Variants in MCPH1 observed in about 807,000 individuals in gnomAD.
MCPH1 encodes the protein microcephalin.
Under a neutral mutation model 84.5 loss-of-function variants are expected in MCPH1, and 104 were observed. The observed-to-expected ratio is 1.23, with a 90% CI of 1.05 to 1.45. The LOEUF (loss-of-function observed/expected upper bound fraction) is 1.45, where lower values mean the gene tolerates loss of function less well. Ranked by LOEUF, MCPH1 falls within the 40% of genes most tolerant of loss-of-function variation. MCPH1 has a pLI of 0.00. For missense variants in MCPH1, 1,498 were observed against 1,005.7 expected (o/e 1.49, Z -6.62); for synonymous variants, 514 against 366.8 (o/e 1.40, Z -4.58).
intron 9 of MCPH1, among the ~76,000 whole-genome samples, chr8:6,459,769 G>A (rs1480008337): frequency 6.6e-6 from 1 of 152,208 alleles, no homozygotes; most frequent in African/African-American, 2.4e-5. Context: ...TGCAGGTAAT[G>A]TCCTATCTGG....
intron 12 of MCPH1, among the ~76,000 whole-genome samples, chr8:6,588,662 C>G (rs1828192284): frequency 6.6e-6 from 1 of 152,264 alleles, no homozygotes; most frequent in Admixed American, 6.5e-5. Context: ...TCACCCGCTG[C>G]TCTCCCCTGT....
intron 12 of MCPH1, among the ~76,000 whole-genome samples, chr8:6,545,332 C>T (rs576028921): frequency 6.6e-6 from 1 of 152,226 alleles, no homozygotes; most frequent in Admixed American, 6.5e-5. Flanking sequence ...TATACTTTAT[C>T]CATTTCCTGT....
At chr8:6,519,039 A>G (rs1238030576) in intron 12 of MCPH1, among the ~76,000 whole-genome samples, 1 of 152,226 alleles carries the variant, frequency 6.6e-6, no homozygotes, top group East Asian at 1.9e-4. Context: ...TGCTGTGAGT[A>G]CTGACTGTCC....
intron 9 of MCPH1, among the ~76,000 whole-genome samples, chr8:6,466,607 C>T (rs901187721): frequency 6.6e-6 from 1 of 151,856 alleles, no homozygotes; most frequent in Admixed American, 6.6e-5. Context: ...ACGCGCAGCC[C>T]TTTTTTTGTG....
At chr8:6,511,495 C>G (rs893691254) in intron 12 of MCPH1, among the ~76,000 whole-genome samples, 12 of 152,200 alleles carry the variant, frequency 7.9e-5, no homozygotes, top group African/African-American at 1.9e-4. Context: ...TGCATTTATG[C>G]ATTTCTTATA....
At chr8:6,564,667 A>G (rs1825996557) in intron 12 of MCPH1, among the ~76,000 whole-genome samples, 1 of 152,196 alleles carries the variant, frequency 6.6e-6, no homozygotes, top group South Asian at 2.1e-4. Flanking sequence ...ACATCTACCC[A>G]TAAAAGATCT....
At chr8:6,615,836 G>A (rs1257) in intron 12 of MCPH1, 15,167 of 152,146 alleles carry the variant, frequency 0.1, 1,077 homozygotes, top group East Asian at 0.33. Context: ...AGTGGGCACC[G>A]CAATTGGAGG....
chr8:6,541,156 C>T (rs13255574), intron 12 of MCPH1, among the ~76,000 whole-genome samples: 30,099 of 152,160 alleles, frequency 0.2, 3,226 homozygotes, highest in Non-Finnish European at 0.23. Context: ...GCAAGTTGGG[C>T]CCAGAGGGTT....
chr8:6,587,639 C>T (rs1828103869), intron 12 of MCPH1, among the ~76,000 whole-genome samples: 1 of 152,094 alleles, frequency 6.6e-6, no homozygotes, highest in Admixed American at 6.5e-5. Flanking sequence ...AGTCTTGGGG[C>T]CTGGATGGCT....
At chr8:6,423,054 C>T (rs1800471919) in intron 3 of MCPH1, among the ~76,000 whole-genome samples, 1 of 151,492 alleles carries the variant, frequency 6.6e-6, no homozygotes, top group Admixed American at 6.6e-5. Flanking sequence ...CTCCTGACCT[C>T]AGGTGATCCG....
intron 12 of MCPH1, among the ~76,000 whole-genome samples, chr8:6,518,371 T>C (rs1216825465): frequency 6.6e-6 from 1 of 152,256 alleles, no homozygotes; most frequent in African/African-American, 2.4e-5. Context: ...TGCCTTTTCA[T>C]CTGCAGCAGA....
At chr8:6,620,298 T>C (rs1253895936) in intron 12 of MCPH1, 5 of 152,212 alleles carry the variant, frequency 3.3e-5, no homozygotes, top group Non-Finnish European at 7.3e-5. Context: ...ATCTACTCCA[T>C]TGATGCTGGA....
intron 12 of MCPH1, among the ~76,000 whole-genome samples, chr8:6,536,775 C>A (rs956142969): frequency 6.6e-6 from 1 of 152,136 alleles, no homozygotes; most frequent in Admixed American, 6.5e-5. Context: ...TCTGGCTCAT[C>A]CACTTGGATA....
chr8:6,412,521 G>C (rs1244686010), intron 2 of MCPH1, among the ~76,000 whole-genome samples: 1 of 152,206 alleles, frequency 6.6e-6, no homozygotes, highest in African/African-American at 2.4e-5. Flanking sequence ...GATTTGAGAT[G>C]ATTTAAAACC....
intron 12 of MCPH1, among the ~76,000 whole-genome samples, chr8:6,559,472 A>C (rs536021613): frequency 2.6e-5 from 4 of 152,364 alleles, no homozygotes; most frequent in African/African-American, 9.6e-5. Context: ...ATTCACATTT[A>C]CACTTTCCAG....
intron 11 of MCPH1, among the ~76,000 whole-genome samples, chr8:6,497,531 T>G (rs1405424807): frequency 1.3e-5 from 2 of 151,842 alleles, no homozygotes; most frequent in Admixed American, 6.6e-5. Context: ...GAAAACAGCT[T>G]AGGGAAGAGC....
At chr8:6,416,748 C>G (rs1024099605) in intron 3 of MCPH1, among the ~76,000 whole-genome samples, 1 of 152,092 alleles carries the variant, frequency 6.6e-6, no homozygotes, top group East Asian at 1.9e-4. Context: ...AATTCCAGCA[C>G]TTTGGGAGGC....
At chr8:6,587,877 G>T (rs1235329929) in intron 12 of MCPH1, among the ~76,000 whole-genome samples, 1 of 152,238 alleles carries the variant, frequency 6.6e-6, no homozygotes, top group African/African-American at 2.4e-5. Context: ...TGGTGATGCA[G>T]TTTATTTGTC....
At chr8:6,587,856 C>A (rs1296368205) in intron 12 of MCPH1, among the ~76,000 whole-genome samples, 1 of 152,212 alleles carries the variant, frequency 6.6e-6, no homozygotes, top group African/African-American at 2.4e-5. Flanking sequence ...TACTTCCCCT[C>A]CTGACTCTAT....
Sources: gnomAD v4.1 joint callset for allele counts (sites outside exome capture counted in the v4.1 genomes callset) on GRCh38, gnomAD v4.1.1 for gene constraint, MANE v1.5 for transcripts, NCBI Gene and HGNC (gene_info 2026-07-23, HGNC 2026-07-21) for gene names.